Variants in KIF15 observed in about 807,000 individuals in gnomAD.
KIF15 encodes kinesin-like protein KIF15.
In KIF15, 140 loss-of-function variants were observed where a neutral mutation model predicts 190.6. The observed-to-expected ratio is 0.73, with a 90% CI of 0.64 to 0.84. The LOEUF (loss-of-function observed/expected upper bound fraction) is 0.84. Among genes scored for constraint, KIF15 ranks in the 40% least tolerant of loss-of-function variants. KIF15 has a pLI of 0.00. For missense variants in KIF15, 1,372 were observed against 1,584.4 expected (o/e 0.87, Z 2.28); for synonymous variants, 528 against 551.3 (o/e 0.96, Z 0.59).
chr3:44,761,966 C>G (rs1705164872), intron 1 of KIF15, 82 bp downstream of exon 1: 2 of 1,579,728 alleles, frequency 1.3e-6, no homozygotes, highest in African/African-American at 2.7e-5. Context: ...GGACCGCCCG[C>G]AAGGTTCTTG....
chr3:44,771,932 A>G (rs1354348012), intron 1 of KIF15, among the ~76,000 whole-genome samples: 1 of 152,208 alleles, frequency 6.6e-6, no homozygotes, highest in African/African-American at 2.4e-5. Flanking sequence ...AAAAATGTAC[A>G]TTTTGATGAC....
rs1299486186 is a variant in KIF15 at position 44,852,802 on chromosome 3, C to A, written c.*67C>A. On this transcript the variant is annotated 3_prime_UTR_variant, in exon 35 of 35. Coordinates refer to ENST00000326047, the MANE Select transcript of KIF15 (RefSeq NM_020242.3). ...GTTTCTTCTCTTTTACAAGTAAGAC[C>A]TACTCCTGGCCACTTAGGAGAGCTG... The A allele has an allele frequency of 5.4e-6, 7 of 1,291,208 alleles. No homozygotes were observed. Among genetic ancestry groups the A allele is most frequent in the Non-Finnish European group, 4.4e-6 (4 of 916,830 alleles). 80.0% of individuals were successfully genotyped at this position (1,291,208 alleles called of 1,614,324 possible).
At chr3:44,835,635 A>G (rs970525797) in intron 26 of KIF15, among the ~76,000 whole-genome samples, 2 of 152,180 alleles carry the variant, frequency 1.3e-5, no homozygotes, top group African/African-American at 4.8e-5. Context: ...ACAATAATGC[A>G]GAGAGATTTC....
intron 19 of KIF15, among the ~76,000 whole-genome samples, chr3:44,814,503 G>A (rs1026063830): frequency 1.3e-5 from 2 of 152,122 alleles, no homozygotes; most frequent in African/African-American, 4.8e-5. Context: ...TAGAGACAGG[G>A]TTTTGCCATG....
At chr3:44,852,402 C>A (rs1699093513) in intron 34 of KIF15, 63 bp downstream of exon 34, 1 of 1,469,412 alleles carries the variant, frequency 6.8e-7, no homozygotes, top group Non-Finnish European at 9.2e-7. Context: ...TTTATTGAAA[C>A]CAAATTAAAA....
intron 3 of KIF15, among the ~76,000 whole-genome samples, chr3:44,776,990 ATTTTT>A (rs371067828): frequency 9.2e-4 from 108 of 116,834 alleles, no homozygotes; most frequent in African/African-American, 3.5e-3. Context: ...AACATCACAG[ATTTTT>A]TTTTTTTTTT....
At chr3:44,804,985 GAA>G (rs375427715) in intron 14 of KIF15, 40 bp from the exon 15 acceptor site, 7,230 of 1,313,704 alleles carry the variant, frequency 5.5e-3, no homozygotes, top group Admixed American at 9.5e-3. Flanking sequence ...CCCTGTCTCA[GAA>G]AAAAAAAAAA....
chr3:44,849,741 TAC>T (rs1400635096), intron 32 of KIF15, among the ~76,000 whole-genome samples: 2 of 152,100 alleles, frequency 1.3e-5, no homozygotes, highest in African/African-American at 2.4e-5. Flanking sequence ...TGTACATACA[TAC>T]ACACACACAA....
At chr3:44,861,363 G>C (rs1355988829) in intron 6 of KIF15, among the ~76,000 whole-genome samples, 1 of 152,250 alleles carries the variant, frequency 6.6e-6, no homozygotes, top group East Asian at 1.9e-4. Context: ...CTTGATTATG[G>C]ATCATTGTCT....
At chr3:44,848,138 A>G in intron 31 of KIF15, 81 bp downstream of exon 31, 1 of 843,856 alleles carries the variant, frequency 1.2e-6, no homozygotes, top group South Asian at 1.7e-5. Flanking sequence ...TATATTTTAG[A>G]AATCATTTTA....
At chr3:44,794,095 G>C in intron 7 of KIF15, 122 bp from the exon 8 acceptor site, 1 of 725,058 alleles carries the variant, frequency 1.4e-6, no homozygotes, top group East Asian at 2.6e-5. Flanking sequence ...AGGTCAGGCT[G>C]GTCTTGAATT....
chr3:44,769,456 G>A (rs757759650), intron 1 of KIF15, among the ~76,000 whole-genome samples: 11 of 152,204 alleles, frequency 7.2e-5, no homozygotes, highest in East Asian at 3.9e-4. Flanking sequence ...ATGTCAAAGC[G>A]GCTTTCCCCC....
chr3:44,829,659 T>A (rs868493053), intron 24 of KIF15, among the ~76,000 whole-genome samples: 1 of 113,254 alleles, frequency 8.8e-6, no homozygotes, highest in Admixed American at 1.1e-4. Flanking sequence ...ATGTATATAT[T>A]ATGTATATAT....
At chr3:44,799,995 TC>T (rs979852520) in intron 10 of KIF15, among the ~76,000 whole-genome samples, 1 of 152,058 alleles carries the variant, frequency 6.6e-6, no homozygotes, top group African/African-American at 2.4e-5. Flanking sequence ...GGGAAGGCTG[TC>T]GTTCTCAGGG....
At chr3:44,762,014 A>C in intron 1 of KIF15, 130 bp downstream of exon 1, 1 of 1,149,288 alleles carries the variant, frequency 8.7e-7, no homozygotes, top group Non-Finnish European at 1.3e-6. Flanking sequence ...ACCGGCGGGG[A>C]CGTTTGGGAA....
Position 44,771,060 on chromosome 3 carries a change from G to A in KIF15, c.20-3335G>A, listed in dbSNP as rs560678805. Among the ~76,000 whole-genome samples, 243 of 152,206 alleles carry A rather than the reference G, an allele frequency of 1.6e-3. 2 individuals are homozygous for A. The highest frequency in any genetic ancestry group is 5.7e-3 in the African/African-American group (238 of 41,528). ...AAAGTTATCAGAAACCTGCATTTGAGAGCACCTATGAAAGTTCTATGGCTG... is the reference window on the plus strand; with the variant it reads ...AAAGTTATCAGAAACCTGCATTTGAAAGCACCTATGAAAGTTCTATGGCTG... On this transcript the variant is annotated intron_variant, in intron 1 of 34. Coordinates refer to ENST00000326047, the MANE Select transcript of KIF15 (RefSeq NM_020242.3).
chr3:44,827,794 C>A (rs1246014255), intron 23 of KIF15, among the ~76,000 whole-genome samples: 1 of 152,096 alleles, frequency 6.6e-6, no homozygotes, highest in Middle Eastern at 3.2e-3. Context: ...GTGATTTTCC[C>A]ACCTCAGCCT....
intron 6 of KIF15, chr3:44,865,172 C>A: frequency 6.2e-7 from 1 of 1,614,194 alleles, no homozygotes; most frequent in Non-Finnish European, 8.5e-7. Flanking sequence ...TCCACACAAG[C>A]AGCAGTAGCA....
intron 13 of KIF15, 93 bp from the exon 14 acceptor site, chr3:44,802,720 TG>T (rs1422107718): frequency 7.9e-7 from 1 of 1,266,920 alleles, no homozygotes; most frequent in Non-Finnish European, 1.1e-6. Flanking sequence ...GTAGTGCATG[TG>T]CATACCTAGT....
Sources: gnomAD v4.1 joint callset for allele counts (sites outside exome capture counted in the v4.1 genomes callset) on GRCh38, gnomAD v4.1.1 for gene constraint, MANE v1.5 for transcripts, NCBI Gene and HGNC (gene_info 2026-07-23, HGNC 2026-07-21) for gene names.